Variants in CACNA2D1 observed in about 807,000 individuals in gnomAD.
CACNA2D1 encodes the protein calcium voltage-gated channel auxiliary subunit alpha2delta 1.
A neutral mutation model predicts 171.5 loss-of-function variants in CACNA2D1; 53 were observed. That is an observed-to-expected ratio of 0.31 (90% CI 0.25 to 0.39). The LOEUF (loss-of-function observed/expected upper bound fraction) is 0.39, where lower values mean the gene tolerates loss of function less well. CACNA2D1 is among the 10% of genes least tolerant of loss of function. The pLI is 1.00. For missense variants in CACNA2D1, 903 were observed against 1,299.8 expected (o/e 0.69, Z 4.69); for synonymous variants, 442 against 443.1 (o/e 1.00, Z 0.03).
In CACNA2D1 at chr7:81,961,993, G is replaced by T. The variant is rs768081623; in HGVS notation, c.2867C>A (p.Ser956Tyr). Residue 956 changes from serine to tyrosine, a missense_variant, in exon 36 of 39, where the codon TCC (serine) becomes TAC (tyrosine). Around this residue, in one of 5 missense-constraint regions of CACNA2D1, gnomAD observed 623 missense variants for 925.5 expected, o/e 0.67. Coordinates refer to ENST00000356860, the MANE Select transcript of CACNA2D1 (RefSeq NM_000722.4). ...AGTAATGCAGCTCTGCTTGGACAGG[G>T]AGGCCGTGAAGTCATCATCCTCCAT... is the stretch of plus-strand genomic sequence containing the variant. ...VEMEDDDFTA[S>Y]LSKQSCITEQ... is the part of the protein sequence containing the mutation. 2.2e-5 allele frequency: 36 copies of T among 1,612,510 alleles called. No homozygotes were observed. Among genetic ancestry groups the T allele is most frequent in the Non-Finnish European group, 2.9e-5 (34 of 1,179,102 alleles).
Position 81,969,918 on chromosome 7 carries a change from A to C in CACNA2D1, c.2271T>G (p.Asp757Glu). Residue 757 changes from aspartate to glutamate, a missense_variant, in exon 28 of 39, where the codon GAT (aspartate) becomes GAG (glutamate). By Grantham distance (45) the Asp-to-Glu change is conservative (BLOSUM62 2). Transcript: ENST00000356860. ...YEDSFYKRSL[D>E]NDNYVFTAPY... ...GAGCAGTGAAAACATAGTTATCATT[A>C]TCTAGGCTCCTTTTATAGAAGCTGT... 1 of 1,607,650 alleles carries C rather than the reference A, an allele frequency of 6.2e-7. No individual in the cohort carries two copies. Among genetic ancestry groups the C allele is most frequent in the South Asian group, 1.1e-5 (1 of 90,930 alleles).
At chr7:82,262,778 A>G (rs946996264) in intron 3 of CACNA2D1, among the ~76,000 whole-genome samples, 1 of 151,976 alleles carries the variant, frequency 6.6e-6, no homozygotes, top group Non-Finnish European at 1.5e-5. Flanking sequence ...TGAAGCTAAA[A>G]TTTTTCTCTC....
intron 1 of CACNA2D1, among the ~76,000 whole-genome samples, chr7:82,391,201 C>A (rs1286568939): frequency 6.6e-6 from 1 of 151,992 alleles, no homozygotes; most frequent in Non-Finnish European, 1.5e-5. Flanking sequence ...CACAGAGTAC[C>A]AAGGTGGGAA....
chr7:82,436,839 T>C lies in CACNA2D1; in HGVS notation c.95+6526A>G, dbSNP rs1032479974. Among the ~76,000 whole-genome samples, 3 of 152,274 alleles carry C rather than the reference T, an allele frequency of 2.0e-5. No homozygotes were observed. In the East Asian group the frequency reaches 5.8e-4, roughly 29 times the overall value. On this transcript the variant is annotated intron_variant, in intron 1 of 38. Transcript: ENST00000356860. ...CATCCCTCTTGTAACTCTCAAAATA[T>C]GGCATTATTAATATTTAACCATCCC...
chr7:82,020,012 G>C (rs997200862), intron 12 of CACNA2D1, among the ~76,000 whole-genome samples: 5 of 152,056 alleles, frequency 3.3e-5, no homozygotes, highest in Non-Finnish European at 7.4e-5. Flanking sequence ...AGAATCCAGA[G>C]CATTTGACTA....
intron 12 of CACNA2D1, among the ~76,000 whole-genome samples, chr7:82,032,374 ATACT>A (rs1295802111): frequency 6.6e-6 from 1 of 151,866 alleles, no homozygotes; most frequent in Non-Finnish European, 1.5e-5. Context: ...TTACAAAACA[ATACT>A]TAGACATTTT....
chr7:82,408,141 C>T (rs1265301802), intron 1 of CACNA2D1, among the ~76,000 whole-genome samples: 1 of 151,812 alleles, frequency 6.6e-6, no homozygotes, highest in Non-Finnish European at 1.5e-5. Flanking sequence ...GTGCCTCAGC[C>T]TTCTGAGTAG....
At chr7:82,224,920 C>T (rs764842419) in intron 3 of CACNA2D1, among the ~76,000 whole-genome samples, 12 of 151,164 alleles carry the variant, frequency 7.9e-5, no homozygotes, top group Admixed American at 2.0e-4. Context: ...CTAGTTTATC[C>T]AATTGACCAA....
chr7:82,210,056 A>G (rs1348174379), intron 3 of CACNA2D1, among the ~76,000 whole-genome samples: 2 of 152,166 alleles, frequency 1.3e-5, no homozygotes, highest in African/African-American at 4.8e-5. Flanking sequence ...CTTAAATATA[A>G]AAGCTATATT....
intron 3 of CACNA2D1, among the ~76,000 whole-genome samples, chr7:82,216,220 G>T (rs768262338): frequency 2.4e-4 from 36 of 152,116 alleles, no homozygotes; most frequent in Non-Finnish European, 5.1e-4. Context: ...TGTCAGTTCA[G>T]CATCAATTTG....
intron 3 of CACNA2D1, among the ~76,000 whole-genome samples, chr7:82,214,713 A>C (rs1483446344): frequency 1.3e-5 from 2 of 152,220 alleles, no homozygotes; most frequent in Non-Finnish European, 2.9e-5. Flanking sequence ...CATACAATGG[A>C]TTCTGTTTAC....
intron 4 of CACNA2D1, among the ~76,000 whole-genome samples, chr7:82,155,144 T>G (rs571058824): frequency 6.6e-6 from 1 of 152,184 alleles, no homozygotes; most frequent in Non-Finnish European, 1.5e-5. Context: ...TCCAGAGGTC[T>G]CCCTAGAAAC....
chr7:82,162,540 A>T (rs1289413376), intron 4 of CACNA2D1, among the ~76,000 whole-genome samples: 1 of 152,066 alleles, frequency 6.6e-6, no homozygotes, highest in Non-Finnish European at 1.5e-5. Context: ...TTTCTTTAAT[A>T]TGTAAACAAA....
intron 3 of CACNA2D1, among the ~76,000 whole-genome samples, chr7:82,213,436 G>A (rs1417940575): frequency 6.6e-6 from 1 of 152,044 alleles, no homozygotes; most frequent in Admixed American, 6.6e-5. Context: ...AAGTAAAACA[G>A]AAGAAACTCA....
At chr7:82,124,423 A>C (rs1234181169) in intron 5 of CACNA2D1, among the ~76,000 whole-genome samples, 3 of 152,142 alleles carry the variant, frequency 2.0e-5, no homozygotes, top group Admixed American at 6.5e-5. Flanking sequence ...ATAGGAGTGT[A>C]ACTTTGTAAC....
chr7:82,169,302 T>C (rs1795780986), intron 4 of CACNA2D1, among the ~76,000 whole-genome samples: 1 of 152,022 alleles, frequency 6.6e-6, no homozygotes, highest in Non-Finnish European at 1.5e-5. Context: ...TTGATCTTTA[T>C]TAACCTGTGT....
At chr7:82,171,242 C>T (rs1241305822) in intron 3 of CACNA2D1, among the ~76,000 whole-genome samples, 1 of 152,046 alleles carries the variant, frequency 6.6e-6, no homozygotes, top group Admixed American at 6.6e-5. Flanking sequence ...ATAGCACTTT[C>T]GAAATGCTAT....
At position 81,993,269 on chromosome 7, in the gene CACNA2D1, C is replaced by T. The variant is rs577085132; in HGVS notation, c.1734+1599G>A. On this transcript the variant is annotated intron_variant, in intron 20 of 38. Coordinates refer to ENST00000356860, the MANE Select transcript of CACNA2D1 (RefSeq NM_000722.4). ...GTGTAAATAGAGGTTCTGTGGGAAA[C>T]ATTTCCTAGGTGAGGAATTTCAAAT... Among the ~76,000 whole-genome samples, 14 of 152,200 alleles carry T rather than the reference C, an allele frequency of 9.2e-5. No individual in the cohort carries two copies. The South Asian group carries it at 2.9e-3, about 32-fold the overall frequency.
chr7:82,170,977 T>C (rs752037510), intron 3 of CACNA2D1, among the ~76,000 whole-genome samples: 1 of 152,072 alleles, frequency 6.6e-6, no homozygotes, highest in Non-Finnish European at 1.5e-5. Context: ...CTTTGGAGCA[T>C]ACATTTCTCT....
Sources: gnomAD v4.1 joint callset for allele counts (sites outside exome capture counted in the v4.1 genomes callset) on GRCh38, gnomAD v4.1.1 for gene constraint, gnomAD v4.1.1 regional missense constraint, MANE v1.5 for transcripts, NCBI Gene and HGNC (gene_info 2026-07-23, HGNC 2026-07-21) for gene names.